Variants in LPIN1 observed in about 807,000 individuals in gnomAD.
LPIN1 encodes the protein lipin 1.
In LPIN1, 71 loss-of-function variants were observed where a neutral mutation model predicts 107.5. The observed-to-expected ratio is 0.66, with a 90% CI of 0.55 to 0.80. The LOEUF (loss-of-function observed/expected upper bound fraction) is 0.80. Ranked by LOEUF, LPIN1 falls within the 30% of genes least tolerant of loss-of-function variation. The pLI is 0.00. For synonymous variants in LPIN1, 445 were observed against 452.6 expected (o/e 0.98, Z 0.21); for missense variants, 1,043 against 1,160.6 (o/e 0.90, Z 1.47).
intron 2 of LPIN1, chr2:11,741,436 C>T: frequency 2.6e-6 from 4 of 1,543,766 alleles, no homozygotes; most frequent in Non-Finnish European, 3.5e-6. Flanking sequence ...AGAGTAAGCA[C>T]TGCTGTTCAG....
At chr2:11,691,772 GC>G (rs1308978090) in intron 1 of LPIN1, among the ~76,000 whole-genome samples, 1 of 152,210 alleles carries the variant, frequency 6.6e-6, no homozygotes, top group African/African-American at 2.4e-5. Flanking sequence ...AAAGAATAGA[GC>G]CAGTGGCCTG....
chr2:11,775,638 A>G (rs959948187), intron 5 of LPIN1, among the ~76,000 whole-genome samples: 10 of 152,234 alleles, frequency 6.6e-5, no homozygotes, highest in Non-Finnish European at 1.5e-4. Context: ...GTGACCAGAG[A>G]TGATCAGTTC....
intron 12 of LPIN1, 21 bp downstream of exon 12, chr2:11,788,477 GA>G: frequency 6.3e-7 from 1 of 1,588,678 alleles, no homozygotes; most frequent in Non-Finnish European, 8.6e-7. Flanking sequence ...ACATGAGAAA[GA>G]AAAGGGGATG....
intron 20 of LPIN1, among the ~76,000 whole-genome samples, chr2:11,821,316 A>T (rs997451992): frequency 1.3e-5 from 2 of 152,216 alleles, no homozygotes; most frequent in African/African-American, 2.4e-5. Flanking sequence ...CAGGAGTTCG[A>T]GACCAGCCTG....
intron 1 of LPIN1, among the ~76,000 whole-genome samples, chr2:11,690,362 A>C (rs1280066993): frequency 6.6e-6 from 1 of 152,204 alleles, no homozygotes; most frequent in East Asian, 1.9e-4. Flanking sequence ...ATATTTAAAA[A>C]AGCATTAGTC....
chr2:11,699,578 G>A (rs1277700862), intron 1 of LPIN1, among the ~76,000 whole-genome samples: 2 of 152,170 alleles, frequency 1.3e-5, no homozygotes, highest in Non-Finnish European at 2.9e-5. Context: ...CAGCCTCTCT[G>A]GTGAAGCCAT....
At position 11,805,452 on chromosome 2, in the gene LPIN1, C is replaced by A. The variant is rs541482312; in HGVS notation, c.2249+296C>A. 6 of 508,546 alleles carry A rather than the reference C, an allele frequency of 1.2e-5. No individual in the cohort carries two copies. The East Asian group carries it at 1.4e-4, about 12-fold the overall frequency. 31.5% of individuals were successfully genotyped at this position (508,546 alleles called of 1,614,324 possible). On this transcript the variant is annotated intron_variant, in intron 17 of 20. Transcript: ENST00000674199. Reference sequence around the variant, plus strand: ...GGTGAGACTGAGGTTTAGTTCATCCCGAGGGATGGCAGAGGTAGCCAGTTG... The same window carrying A: ...GGTGAGACTGAGGTTTAGTTCATCCAGAGGGATGGCAGAGGTAGCCAGTTG...
chr2:11,827,322 A>G lies in LPIN1; in HGVS notation c.*2531A>G, dbSNP rs1429806961. ...TTGTATATGCTGATGCAATGATAAA[A>G]ATCACTGTAATACTTCATTGTGTTG... On this transcript the variant is annotated 3_prime_UTR_variant, in exon 21 of 21. Coordinates refer to ENST00000674199, the MANE Select transcript of LPIN1 (RefSeq NM_001349206.2). The surrounding 1 kb of genome is among the most constrained non-coding windows in gnomAD (Gnocchi z 4.1). 6.6e-6 allele frequency: 1 copy of G among 152,278 alleles called. No homozygotes were observed. Among genetic ancestry groups the G allele is most frequent in the Non-Finnish European group, 1.5e-5 (1 of 68,052 alleles). 9.4% of individuals were successfully genotyped at this position (152,278 alleles called of 1,614,324 possible). A position where few individuals can be genotyped will look rare whatever the true frequency, so the allele number is the denominator to read the frequency against.
chr2:11,725,057 C>T (rs576393740), intron 1 of LPIN1, among the ~76,000 whole-genome samples: 2 of 152,232 alleles, frequency 1.3e-5, no homozygotes, highest in East Asian at 1.9e-4. Context: ...GTCAGGAGAT[C>T]GAGACCATCC....
At chr2:11,752,748 C>G (rs1416048104) in intron 1 of LPIN1, among the ~76,000 whole-genome samples, 1 of 152,098 alleles carries the variant, frequency 6.6e-6, no homozygotes. Context: ...CCATTTTAAA[C>G]TGACCTTAAT....
At chr2:11,792,990 C>A (rs925217551) in intron 13 of LPIN1, among the ~76,000 whole-genome samples, 4 of 152,188 alleles carry the variant, frequency 2.6e-5, no homozygotes, top group African/African-American at 9.7e-5. Context: ...TCTTACTTTT[C>A]CCTTCTGCCC....
chr2:11,806,199 T>TG (rs1445311962), intron 17 of LPIN1, among the ~76,000 whole-genome samples: 2 of 152,350 alleles, frequency 1.3e-5, no homozygotes, highest in East Asian at 3.9e-4. Flanking sequence ...CCCACAGTGG[T>TG]GATGGTAGGG....
Position 11,803,070 on chromosome 2 carries a change from C to G in LPIN1, c.2013+37C>G, listed in dbSNP as rs780276033. 20 of 1,610,910 alleles carry G rather than the reference C, an allele frequency of 1.2e-5. No individual in the cohort carries two copies. In the South Asian group the frequency reaches 2.1e-4, roughly 17 times the overall value. On this transcript the variant is annotated intron_variant, in intron 15 of 20. Transcript: ENST00000674199. The surrounding 1 kb of genome is among the most constrained non-coding windows in gnomAD (Gnocchi z 4.2). Reference sequence around the variant, plus strand: ...ATGCTTGGCGCGGCTGTGTTGTGAGCACATGAGGTTTCTGCAGACTCCTAA... The same window carrying G: ...ATGCTTGGCGCGGCTGTGTTGTGAGGACATGAGGTTTCTGCAGACTCCTAA...
At chr2:11,785,817 G>A (rs1674469615) in intron 10 of LPIN1, among the ~76,000 whole-genome samples, 5 of 152,164 alleles carry the variant, frequency 3.3e-5, no homozygotes, top group Admixed American at 3.3e-4. Flanking sequence ...GTCCCTTCAA[G>A]GCTTTGGGAA....
At chr2:11,696,307 A>G (rs1662576219) in intron 1 of LPIN1, among the ~76,000 whole-genome samples, 1 of 150,530 alleles carries the variant, frequency 6.6e-6, no homozygotes, top group African/African-American at 2.4e-5. Context: ...GGGGTTGCTG[A>G]CTCTCGAATG....
chr2:11,790,331 A>G (rs2148671898), intron 12 of LPIN1, among the ~76,000 whole-genome samples: 1 of 152,178 alleles, frequency 6.6e-6, no homozygotes, highest in Non-Finnish European at 1.5e-5. Context: ...CTTCTTTGTG[A>G]TTTTCTCAGC....
intron 13 of LPIN1, 52 bp downstream of exon 13, chr2:11,792,058 G>T: frequency 1.4e-6 from 2 of 1,475,652 alleles, no homozygotes; most frequent in Admixed American, 1.7e-5. Context: ...TTGGTTTTGT[G>T]TAGTGAGATT....
At chr2:11,794,686 T>C (rs1676360510) in intron 13 of LPIN1, among the ~76,000 whole-genome samples, 1 of 152,220 alleles carries the variant, frequency 6.6e-6, no homozygotes, top group Non-Finnish European at 1.5e-5. Context: ...TTGGCATTTC[T>C]CTCTGGTCTC....
chr2:11,760,723 G>A (rs910649697), intron 1 of LPIN1, among the ~76,000 whole-genome samples: 2 of 151,998 alleles, frequency 1.3e-5, no homozygotes, highest in African/African-American at 2.4e-5. Context: ...GAGGGGGAGG[G>A]GGAGGTTTCT....
Sources: gnomAD v4.1 joint callset for allele counts (sites outside exome capture counted in the v4.1 genomes callset) on GRCh38, gnomAD v4.1.1 for gene constraint, Gnocchi (gnomAD v3.1) non-coding constraint, MANE v1.5 for transcripts, NCBI Gene and HGNC (gene_info 2026-07-23, HGNC 2026-07-21) for gene names.